KLHL5: variants seen among roughly 807,000 people sequenced by gnomAD.
KLHL5 encodes the protein kelch like family member 5.
In KLHL5, 48 loss-of-function variants were observed where a neutral mutation model predicts 77.7. The ratio of observed to expected loss-of-function variants is 0.62; its 90% CI spans 0.49 to 0.79. The LOEUF (loss-of-function observed/expected upper bound fraction) is 0.79. Ranked by LOEUF, KLHL5 falls within the 30% of genes least tolerant of loss-of-function variation. The pLI is 0.00. For synonymous variants in KLHL5, 260 were observed against 297.0 expected (o/e 0.88, Z 1.28); for missense variants, 723 against 859.7 (o/e 0.84, Z 1.99).
intron 1 of KLHL5, among the ~76,000 whole-genome samples, chr4:39,067,615 TCTTGAGAATGCCAAGCTTGG>T (rs1429037852): frequency 6.6e-6 from 1 of 152,140 alleles, no homozygotes; most frequent in Non-Finnish European, 1.5e-5. Context: ...TTCTCTTAGT[TCTTGAGAATGCCAAGCTTGG>T]CTACATTACA....
At chr4:39,103,974 C>CAAAAAAAAAAAAAAAA (rs35801364) in intron 7 of KLHL5, among the ~76,000 whole-genome samples, 1 of 93,238 alleles carries the variant, frequency 1.1e-5, no homozygotes. Flanking sequence ...ACATCTATCT[C>CAAAAAAAAAAAAAAAA]AAAAAAAAAA....
chr4:39,101,126 T>TATATATATATATA (rs1553892884), intron 6 of KLHL5, among the ~76,000 whole-genome samples: 2 of 134,844 alleles, frequency 1.5e-5, no homozygotes, highest in Non-Finnish European at 3.1e-5. Context: ...TATTTGGATT[T>TATATATATATATA]TATATATATA....
At chr4:39,082,488 T>C (rs7689317) in intron 4 of KLHL5, among the ~76,000 whole-genome samples, 22,187 of 152,170 alleles carry the variant, frequency 0.15, 1,966 homozygotes, top group South Asian at 0.21. Context: ...TGGATGAATT[T>C]CAGGATTGTT....
At chr4:39,071,565 G>C (rs1282383529) in intron 1 of KLHL5, among the ~76,000 whole-genome samples, 1 of 152,188 alleles carries the variant, frequency 6.6e-6, no homozygotes, top group Non-Finnish European at 1.5e-5. Flanking sequence ...ACAAGGGTTA[G>C]AGTTGCTATT....
intron 1 of KLHL5, among the ~76,000 whole-genome samples, chr4:39,049,458 G>A (rs1716460396): frequency 6.6e-6 from 1 of 152,130 alleles, no homozygotes; most frequent in Admixed American, 6.5e-5. Flanking sequence ...GGCCAAGGTG[G>A]GAGGATTCTT....
chr4:39,131,328 G>C (rs1723793369), downstream of KLHL5, among the ~76,000 whole-genome samples: 1 of 152,032 alleles, frequency 6.6e-6, no homozygotes, highest in Non-Finnish European at 1.5e-5. Flanking sequence ...AATCAGTGAG[G>C]CTGACAAATA....
intron 6 of KLHL5, among the ~76,000 whole-genome samples, chr4:39,102,648 T>G (rs1721689143): frequency 1.3e-5 from 2 of 152,286 alleles, no homozygotes; most frequent in Non-Finnish European, 1.5e-5. Flanking sequence ...TTTTAGCTGC[T>G]TTCCTCTCAA....
intron 1 of KLHL5, among the ~76,000 whole-genome samples, chr4:39,049,369 C>T (rs969586984): frequency 1.3e-5 from 2 of 152,078 alleles, no homozygotes; most frequent in African/African-American, 4.8e-5. Flanking sequence ...ATTGTATGTC[C>T]ATTCAATAAA....
chr4:39,107,919 G>T (rs990468574), intron 8 of KLHL5, among the ~76,000 whole-genome samples, 188 bp downstream of exon 8: 1 of 151,898 alleles, frequency 6.6e-6, no homozygotes, highest in African/African-American at 2.4e-5. Flanking sequence ...TCATTTTAAT[G>T]TGCAGATACT....
chr4:39,068,429 A>G (rs62296108), intron 1 of KLHL5, among the ~76,000 whole-genome samples: 2 of 118,132 alleles, frequency 1.7e-5, no homozygotes, highest in African/African-American at 6.6e-5. Flanking sequence ...ACCTCTCCCC[A>G]GAAAACACTG....
chr4:39,120,922 A>G (rs891726092), intron 10 of KLHL5, 88 bp from the exon 11 acceptor site: 2 of 1,034,094 alleles, frequency 1.9e-6, no homozygotes, highest in Middle Eastern at 2.1e-4. Context: ...GCCAACAAGT[A>G]CAGGCTGTTT....
intron 5 of KLHL5, among the ~76,000 whole-genome samples, chr4:39,091,850 T>TG (rs1720601294): frequency 7.1e-6 from 1 of 141,800 alleles, no homozygotes; most frequent in Admixed American, 7.0e-5. Context: ...TAGTTTTTTT[T>TG]TTTTTTTTTT....
At chr4:39,054,640 G>C (rs1716889005) in intron 1 of KLHL5, among the ~76,000 whole-genome samples, 1 of 152,204 alleles carries the variant, frequency 6.6e-6, no homozygotes, top group Admixed American at 6.5e-5. Flanking sequence ...CTGGTGAGTG[G>C]CTTAGCTGTT....
the KLHL5 span, among the ~76,000 whole-genome samples, chr4:39,138,816 G>A: frequency 0.019 from 2,870 of 152,188 alleles, 79 homozygotes; most frequent in African/African-American, 0.064. Flanking sequence ...GAATAAAATA[G>A]GAACGCATAT....
intron 1 of KLHL5, among the ~76,000 whole-genome samples, chr4:39,051,512 T>G (rs1716643390): frequency 6.6e-6 from 1 of 152,208 alleles, no homozygotes; most frequent in Admixed American, 6.5e-5. Flanking sequence ...TAACTAAACT[T>G]CAAATTCAGA....
At chr4:39,060,419 G>T (rs1717314560), upstream of KLHL5, among the ~76,000 whole-genome samples, 1 of 140,384 alleles carries the variant, frequency 7.1e-6, no homozygotes, top group Non-Finnish European at 1.5e-5. Flanking sequence ...TAGCACTCTG[G>T]TCATTCCAAC....
At chr4:39,101,877 T>TATACAC (rs769434754) in intron 6 of KLHL5, among the ~76,000 whole-genome samples, 87 of 108,540 alleles carry the variant, frequency 8.0e-4, no homozygotes, top group African/African-American at 2.6e-3. Context: ...TATATATATA[T>TATACAC]ACACACACAC....
rs1306853309 is a variant in KLHL5, at chr4:39,123,701, G to T, written c.*2635G>T. Among the ~76,000 whole-genome samples, 1 of 152,084 alleles carries T rather than the reference G, an allele frequency of 6.6e-6. No homozygotes were observed. The highest frequency in any genetic ancestry group is 2.4e-5 in the African/African-American group (1 of 41,406). On this transcript the variant is annotated 3_prime_UTR_variant, in exon 11 of 11. Coordinates refer to ENST00000504108, the MANE Select transcript of KLHL5 (RefSeq NM_015990.5). ...AACACTCTGCAAACTAGGAAGAAAA[G>T]GGAACTTTCTTAACCTGATAAAGAC...
At chr4:39,054,335 T>C (rs17430335) in intron 1 of KLHL5, among the ~76,000 whole-genome samples, 2,129 of 152,282 alleles carry the variant, frequency 0.014, 48 homozygotes, top group African/African-American at 0.048. Context: ...TCACCAGATA[T>C]AGGTATTAAG....
Sources: gnomAD v4.1 joint callset for allele counts (sites outside exome capture counted in the v4.1 genomes callset) on GRCh38, gnomAD v4.1.1 for gene constraint, MANE v1.5 for transcripts, NCBI Gene and HGNC (gene_info 2026-07-23, HGNC 2026-07-21) for gene names.